The following ZNF592 variants were observed in gnomAD, a reference collection of about 807,000 sequenced individuals.
ZNF592 encodes zinc finger protein 592, also known as spinocerebellar ataxia, autosomal recessive 5.
A neutral mutation model predicts 80.3 loss-of-function variants in ZNF592; 11 were observed. That is an observed-to-expected ratio of 0.14 (90% CI 0.09 to 0.23). ZNF592 has a LOEUF of 0.23. Among genes scored for constraint, ZNF592 ranks in the 10% least tolerant of loss-of-function variants. The pLI, the probability that ZNF592 is intolerant of heterozygous loss-of-function variation, is 1.00. For synonymous variants in ZNF592, 646 were observed against 640.3 expected (o/e 1.01, Z -0.13); for missense variants, 1,420 against 1,633.9 (o/e 0.87, Z 2.26).
At chr15:84,771,868 G>A (rs188281811) in intron 2 of ZNF592, among the ~76,000 whole-genome samples, 1 of 152,280 alleles carries the variant, frequency 6.6e-6, no homozygotes, top group Non-Finnish European at 1.5e-5. Context: ...CAAGAGGCCA[G>A]TGAGATATAT....
In ZNF592 at chr15:84,806,219, A is replaced by G. The variant is rs1259875838; in HGVS notation, c.*3826A>G. ...GATTCTAGAATGTGTCCTCCTGACT[A>G]AGGGGTTCAGGATACTGTTCACCTT... On this transcript the variant is annotated 3_prime_UTR_variant, in exon 11 of 11. Coordinates refer to ENST00000560079, the MANE Select transcript of ZNF592 (RefSeq NM_014630.3). 6.6e-6 allele frequency: 1 copy of G among 152,172 alleles called. No individual in the cohort carries two copies. The highest frequency in any genetic ancestry group is 1.5e-5 in the Non-Finnish European group (1 of 68,016). 9.4% of individuals were successfully genotyped at this position (152,172 alleles called of 1,614,324 possible).
rs373810444 is a variant in ZNF592 at position 84,749,971 on chromosome 15, C to A, written c.-259+1307C>A. On this transcript the variant is annotated intron_variant, in intron 1 of 10. Coordinates refer to ENST00000560079, the MANE Select transcript of ZNF592 (RefSeq NM_014630.3). Reference sequence around the variant, plus strand: ...AGTACATTGGTAAGCCAGAAAGATACCATGTTTTAGTTCTTAGCCATTGGG... The same window carrying A: ...AGTACATTGGTAAGCCAGAAAGATAACATGTTTTAGTTCTTAGCCATTGGG... Among the ~76,000 whole-genome samples the A allele has an allele frequency of 9.8e-5, 15 of 152,368 alleles. No individual in the cohort carries two copies. In the East Asian group the frequency reaches 2.7e-3, roughly 27 times the overall value.
intron 5 of ZNF592, among the ~76,000 whole-genome samples, chr15:84,796,240 AT>A (rs1454865797): frequency 0.28 from 10,545 of 37,978 alleles, 1,509 homozygotes; most frequent in Non-Finnish European, 0.3. Flanking sequence ...AAAAAAAAAA[AT>A]ATATATATAT....
chr15:84,805,697 A>G lies in ZNF592; in HGVS notation c.*3304A>G, dbSNP rs540719729. On this transcript the variant is annotated 3_prime_UTR_variant, in exon 11 of 11. Transcript: ENST00000560079. ...AGACTGGGGAACCTCTGTCCTGTTC[A>G]CCACTGTATATTCAGCACCAGGCAG... The G allele has an allele frequency of 6.6e-6, 1 of 152,608 alleles. No homozygotes were observed. Among genetic ancestry groups the G allele is most frequent in the East Asian group, 1.9e-4 (1 of 5,182 alleles). 9.5% of individuals were successfully genotyped at this position (152,608 alleles called of 1,614,324 possible). A position where few individuals can be genotyped will look rare whatever the true frequency, so the allele number is the denominator to read the frequency against.
rs1264884485 is a variant in ZNF592, at chr15:84,799,532, G to A, written c.3138-310G>A. Among the ~76,000 whole-genome samples, 2 of 152,224 alleles carry A rather than the reference G, an allele frequency of 1.3e-5. No individual in the cohort carries two copies. Among genetic ancestry groups the A allele is most frequent in the Admixed American group, 6.5e-5 (1 of 15,278 alleles). The stretch of plus-strand genomic sequence containing the variant: ...GGGCCGAGAGGCTTCTGCACCATCT[G>A]CCTGTGCCTTGGGGTGGCCCCAGGC... On this transcript the variant is annotated intron_variant, in intron 9 of 10. Coordinates refer to ENST00000560079, the MANE Select transcript of ZNF592 (RefSeq NM_014630.3). This position sits in a 1 kb window ranked among gnomAD's most constrained non-coding sequence, Gnocchi z 4.2.
intron 5 of ZNF592, among the ~76,000 whole-genome samples, chr15:84,796,141 GA>G (rs1962889433): frequency 6.8e-6 from 1 of 146,748 alleles, no homozygotes; most frequent in Admixed American, 6.9e-5. Flanking sequence ...AGAATCGCTT[GA>G]ACCCAGGAGG....
At chr15:84,787,708 C>T (rs149256890) in intron 4 of ZNF592, among the ~76,000 whole-genome samples, 2 of 152,188 alleles carry the variant, frequency 1.3e-5, no homozygotes, top group African/African-American at 2.4e-5. Flanking sequence ...CCACCCAACA[C>T]AATTAATAAC....
chr15:84,796,388 A>G (rs1185888833), intron 5 of ZNF592, among the ~76,000 whole-genome samples: 3 of 150,328 alleles, frequency 2.0e-5, no homozygotes, highest in Non-Finnish European at 4.4e-5. Flanking sequence ...TTTAGTGCCT[A>G]TGGGGATGTC....
chr15:84,777,186 AAAAAG>A (rs1301636372), intron 2 of ZNF592, among the ~76,000 whole-genome samples: 1 of 151,814 alleles, frequency 6.6e-6, no homozygotes, highest in African/African-American at 2.4e-5. Flanking sequence ...TACATTTAAA[AAAAAG>A]AGGGGCTGGG....
intron 2 of ZNF592, among the ~76,000 whole-genome samples, chr15:84,768,061 A>ATTTTTTTTT (rs71135308): frequency 2.2e-5 from 3 of 137,554 alleles, no homozygotes; most frequent in Non-Finnish European, 4.7e-5. Flanking sequence ...TTTAATTTTA[A>ATTTTTTTTT]TTTTTTTTTT....
At chr15:84,752,527 G>A (rs1899043006) in intron 1 of ZNF592, among the ~76,000 whole-genome samples, 1 of 152,190 alleles carries the variant, frequency 6.6e-6, no homozygotes, top group South Asian at 2.1e-4. Context: ...TAGGTAGATA[G>A]AATCATAGGT....
chr15:84,806,420 C>A lies in ZNF592; in HGVS notation c.*4027C>A, dbSNP rs1050513501. 2.0e-5 allele frequency: 3 copies of A among 152,196 alleles called. No individual in the cohort carries two copies. The highest frequency in any genetic ancestry group is 4.4e-5 in the Non-Finnish European group (3 of 68,030). 9.4% of individuals were successfully genotyped at this position (152,196 alleles called of 1,614,324 possible). A position where few individuals can be genotyped will look rare whatever the true frequency, so the allele number is the denominator to read the frequency against. On this transcript the variant is annotated 3_prime_UTR_variant, in exon 11 of 11. Coordinates refer to ENST00000560079, the MANE Select transcript of ZNF592 (RefSeq NM_014630.3). ...AACATTTTAGAGAAATTAAAAAGCA[C>A]ACATATTTATAATCTCTTCCTCTTA...
intron 1 of ZNF592, among the ~76,000 whole-genome samples, chr15:84,757,786 G>C (rs1899222003): frequency 6.6e-6 from 1 of 151,214 alleles, no homozygotes; most frequent in East Asian, 2.0e-4. Flanking sequence ...AGCCTCCCAA[G>C]TAGCTGGGAC....
At chr15:84,764,475 C>G (rs920097523) in intron 1 of ZNF592, among the ~76,000 whole-genome samples, 6 of 152,156 alleles carry the variant, frequency 3.9e-5, no homozygotes, top group African/African-American at 1.2e-4. Context: ...CGGATGGAGT[C>G]TGTGCTCTGA....
rs1237593862 is a variant in ZNF592, at chr15:84,802,749, G to A, written c.*356G>A. ...GGCTGTGCTCTTCTGGGAGGTTCCC[G>A]CTTGCTGCCTTCAGCCAGGGCGCTC... On this transcript the variant is annotated 3_prime_UTR_variant, in exon 11 of 11. Coordinates refer to ENST00000560079, the MANE Select transcript of ZNF592 (RefSeq NM_014630.3). 7 of 307,140 alleles carry A rather than the reference G, an allele frequency of 2.3e-5. No homozygotes were observed. The highest frequency in any genetic ancestry group is 1.1e-3 in the Middle Eastern group (1 of 912). The allele number at this position is 307,140 out of a possible 1,614,324, so 19.0% of individuals were successfully genotyped here.
intron 1 of ZNF592, among the ~76,000 whole-genome samples, chr15:84,761,947 G>A (rs1254483494): frequency 1.3e-5 from 2 of 152,180 alleles, no homozygotes; most frequent in Admixed American, 6.5e-5. Context: ...TTTCTGAATG[G>A]TTTCTGTTTC....
chr15:84,773,289 G>C (rs574973035), intron 2 of ZNF592, among the ~76,000 whole-genome samples: 33 of 148,748 alleles, frequency 2.2e-4, no homozygotes, highest in South Asian at 6.4e-4. Flanking sequence ...TCGGCTCACT[G>C]CAAGCTCCGC....
chr15:84,805,777 G>T lies in ZNF592; in HGVS notation c.*3384G>T, dbSNP rs1963222061. The T allele has an allele frequency of 3.3e-5, 5 of 152,470 alleles. No individual in the cohort carries two copies. The highest frequency in any genetic ancestry group is 3.3e-4 in the Admixed American group (5 of 15,268). 9.4% of individuals were successfully genotyped at this position (152,470 alleles called of 1,614,324 possible). A position where few individuals can be genotyped will look rare whatever the true frequency, so the allele number is the denominator to read the frequency against. On this transcript the variant is annotated 3_prime_UTR_variant, in exon 11 of 11. Coordinates refer to ENST00000560079, the MANE Select transcript of ZNF592 (RefSeq NM_014630.3). ...TTTGAAAAATTAATACATATACATG[G>T]TAAGACATTCCACAATACAAAAGGG...
chr15:84,795,393 A>G (rs1205607538), intron 5 of ZNF592, among the ~76,000 whole-genome samples: 1 of 152,250 alleles, frequency 6.6e-6, no homozygotes, highest in Admixed American at 6.5e-5. Flanking sequence ...CTTTCTCATC[A>G]ACTTGTAAAC....
Sources: gnomAD v4.1 joint callset for allele counts (sites outside exome capture counted in the v4.1 genomes callset) on GRCh38, gnomAD v4.1.1 for gene constraint, Gnocchi (gnomAD v3.1) non-coding constraint, MANE v1.5 for transcripts, NCBI Gene and HGNC (gene_info 2026-07-23, HGNC 2026-07-21) for gene names.